The following NFAT5 variants were observed in gnomAD, a reference collection of about 807,000 sequenced individuals.
The protein encoded by NFAT5 is nuclear factor of activated T cells 5.
NFAT5 carries 31 observed loss-of-function variants against 166.5 expected under a neutral mutation model. The ratio of observed to expected loss-of-function variants is 0.19; its 90% CI spans 0.14 to 0.25. NFAT5 has a LOEUF of 0.25. NFAT5 is among the 10% of genes least tolerant of loss of function. The probability of loss-of-function intolerance (pLI) is 1.00; values close to 1 mark genes in which losing one functional copy is unlikely to be tolerated. For missense variants in NFAT5, 1,449 were observed against 1,821.8 expected (o/e 0.80, Z 3.72); for synonymous variants, 612 against 639.7 (o/e 0.96, Z 0.65).
intron 2 of NFAT5, among the ~76,000 whole-genome samples, chr16:69,579,891 C>G (rs1214665078): frequency 1.3e-5 from 2 of 152,096 alleles, no homozygotes; most frequent in Non-Finnish European, 2.9e-5. Context: ...GAATAATAGA[C>G]TTATAGAACT....
intron 3 of NFAT5, among the ~76,000 whole-genome samples, chr16:69,630,261 G>C (rs1451432515): frequency 2.0e-5 from 3 of 152,068 alleles, no homozygotes; most frequent in African/African-American, 7.2e-5. Flanking sequence ...CGAACTCCTG[G>C]GCTCAGGTGA....
At chr16:69,630,734 T>A (rs2151588515) in intron 3 of NFAT5, among the ~76,000 whole-genome samples, 1 of 152,292 alleles carries the variant, frequency 6.6e-6, no homozygotes, top group Non-Finnish European at 1.5e-5. Context: ...TTTTGGATAA[T>A]CCTATAGTAT....
chr16:69,680,815 A>C (rs1258549639), intron 10 of NFAT5, among the ~76,000 whole-genome samples: 1 of 152,076 alleles, frequency 6.6e-6, no homozygotes, highest in Non-Finnish European at 1.5e-5. Context: ...GCTGGAGTAC[A>C]GTGGCGTGAT....
chr16:69,657,766 A>C lies in NFAT5; in HGVS notation c.1197-1961A>C, dbSNP rs992220268. ...AGAGCAAGACTCCATCTCAAAAAAAAAAAAAAAAAAAGACAATTATAAAAA... is the reference window on the plus strand; with the variant it reads ...AGAGCAAGACTCCATCTCAAAAAAACAAAAAAAAAAAGACAATTATAAAAA... On this transcript the variant is annotated intron_variant, in intron 6 of 14. Transcript: ENST00000349945. Among the ~76,000 whole-genome samples the C allele has an allele frequency of 4.1e-5, 6 of 147,068 alleles. No individual in the cohort carries two copies. In the Admixed American group the frequency reaches 4.1e-4, roughly 10 times the overall value.
chr16:69,596,861 T>C (rs953785423), intron 2 of NFAT5, among the ~76,000 whole-genome samples: 4 of 152,172 alleles, frequency 2.6e-5, no homozygotes, highest in East Asian at 1.9e-4. Flanking sequence ...GCTTACTTCA[T>C]AGTTTGAGAG....
intron 2 of NFAT5, among the ~76,000 whole-genome samples, chr16:69,625,117 G>A (rs2034395939): frequency 6.6e-6 from 1 of 151,906 alleles, no homozygotes; most frequent in Non-Finnish European, 1.5e-5. Flanking sequence ...GGCCAGGCTG[G>A]TCTCGAACTC....
intron 2 of NFAT5, among the ~76,000 whole-genome samples, chr16:69,581,331 A>G (rs773517610): frequency 3.9e-5 from 6 of 152,268 alleles, no homozygotes; most frequent in East Asian, 3.9e-4. Flanking sequence ...TTGTTTATCT[A>G]TTCATTAGTT....
intron 3 of NFAT5, chr16:69,646,474 C>T (rs1464697942): frequency 2.4e-6 from 2 of 842,968 alleles, no homozygotes; most frequent in Non-Finnish European, 3.3e-6. Context: ...CTGGAATAAT[C>T]AGCAGCTCTT....
In NFAT5 at chr16:69,566,022, A is replaced by C; in HGVS notation, c.-280A>C. ...CGACCGTCAGTTTTCGCTGAGGAGA[A>C]ACACGAAACGGACCCTTTGGCTCTC... On this transcript the variant is annotated 5_prime_UTR_variant, in exon 1 of 15. Coordinates refer to ENST00000349945, the MANE Select transcript of NFAT5 (RefSeq NM_138713.4). This position sits in a 1 kb window ranked among gnomAD's most constrained non-coding sequence, Gnocchi z 5.7. 2 of 388,824 alleles carry C rather than the reference A, an allele frequency of 5.1e-6. No individual in the cohort carries two copies. The highest frequency in any genetic ancestry group is 9.2e-6 in the Non-Finnish European group (2 of 217,236). The allele number at this position is 388,824 out of a possible 1,614,324, so 24.1% of individuals were successfully genotyped here. A position where few individuals can be genotyped will look rare whatever the true frequency, so the allele number is the denominator to read the frequency against.
chr16:69,602,338 C>T (rs1221443466), intron 2 of NFAT5, among the ~76,000 whole-genome samples: 4 of 148,558 alleles, frequency 2.7e-5, no homozygotes, highest in African/African-American at 5.0e-5. Flanking sequence ...GGTGCGATCT[C>T]GGCTCACTGC....
At chr16:69,679,499 C>G (rs1419859555) in intron 10 of NFAT5, among the ~76,000 whole-genome samples, 2 of 151,844 alleles carry the variant, frequency 1.3e-5, no homozygotes, top group African/African-American at 4.8e-5. Context: ...CCTGTTTACC[C>G]AGCTACGTGG....
At chr16:69,643,458 T>C (rs544227426) in intron 3 of NFAT5, among the ~76,000 whole-genome samples, 27 of 151,928 alleles carry the variant, frequency 1.8e-4, no homozygotes, top group Non-Finnish European at 3.5e-4. Flanking sequence ...ATTTTTTTCA[T>C]GGTAAATTTA....
intron 2 of NFAT5, among the ~76,000 whole-genome samples, chr16:69,583,488 T>C (rs1597352879): frequency 1.3e-5 from 2 of 152,194 alleles, no homozygotes; most frequent in Admixed American, 6.5e-5. Context: ...ATGCTGGGAA[T>C]ACAGGTATGA....
At chr16:69,587,864 A>T (rs920753030) in intron 2 of NFAT5, among the ~76,000 whole-genome samples, 1 of 151,752 alleles carries the variant, frequency 6.6e-6, no homozygotes, top group East Asian at 1.9e-4. Flanking sequence ...GGTAAAATGC[A>T]TATTAGCTGT....
At chr16:69,674,540 A>G (rs1045701268) in intron 9 of NFAT5, among the ~76,000 whole-genome samples, 2 of 152,160 alleles carry the variant, frequency 1.3e-5, no homozygotes, top group African/African-American at 4.8e-5. Flanking sequence ...ATAAATGTGG[A>G]AAGAAAATTC....
At chr16:69,688,225 A>AAAAAAAAAAAAAAAAC (rs1567609428) in intron 11 of NFAT5, among the ~76,000 whole-genome samples, 1 of 144,704 alleles carries the variant, frequency 6.9e-6, no homozygotes, top group African/African-American at 2.7e-5. Context: ...AAAAAAAAAA[A>AAAAAAAAAAAAAAAAC]ACCAGGAGTT....
rs2037913002 is a variant in NFAT5 at position 69,702,380 on chromosome 16, T to G, written c.*6029T>G. On this transcript the variant is annotated 3_prime_UTR_variant, in exon 15 of 15. Transcript: ENST00000349945. ...GAAATAATTATGCTTTAGCACATCA[T>G]TTTAGAAACGTCACATTTTAGAAAC... 1 of 152,396 alleles carries G rather than the reference T, an allele frequency of 6.6e-6. No individual in the cohort carries two copies. Among genetic ancestry groups the G allele is most frequent in the African/African-American group, 2.4e-5 (1 of 41,468 alleles). 9.4% of individuals were successfully genotyped at this position (152,396 alleles called of 1,614,324 possible).
chr16:69,626,505 C>G lies in NFAT5; in HGVS notation c.230C>G (p.Pro77Arg), dbSNP rs752732398. Reference sequence around the variant, plus strand: ...ACAAGCGGTGGTGAGGCAGGCTCGCCTCCTCCAGCTGTTGTTGCTGCTGGT... The same window carrying G: ...ACAAGCGGTGGTGAGGCAGGCTCGCGTCCTCCAGCTGTTGTTGCTGCTGGT... ...SQTSGGEAGS[P>R]PPAVVAADAS... is the part of the protein sequence containing the mutation. The change falls in exon 3 of 15, where the codon CCT becomes CGT. Residue 77 changes from proline (P) to arginine (R), a missense_variant. This residue lies in a region of NFAT5 where 172 missense variants were observed against 194.5 expected (regional missense o/e 0.88). Transcript: ENST00000349945. The G allele has an allele frequency of 6.4e-7, 1 of 1,570,442 alleles. No individual in the cohort carries two copies. Among genetic ancestry groups the G allele is most frequent in the Non-Finnish European group, 8.6e-7 (1 of 1,161,060 alleles).
At chr16:69,688,121 GGGAAGC>G (rs1347741090) in intron 11 of NFAT5, among the ~76,000 whole-genome samples, 1 of 148,378 alleles carries the variant, frequency 6.7e-6, no homozygotes, top group African/African-American at 2.5e-5. Context: ...GCGTGAACCC[GGGAAGC>G]GGAGCTTGCA....
Sources: allele counts gnomAD v4.1 joint callset (sites outside exome capture counted in the v4.1 genomes callset), GRCh38; gene constraint gnomAD v4.1.1; regional missense constraint gnomAD v4.1.1; non-coding constraint Gnocchi (gnomAD v3.1); transcripts MANE v1.5; gene names NCBI Gene and HGNC (gene_info 2026-07-23, HGNC 2026-07-21).